Variants in TTC39B observed in about 807,000 individuals in gnomAD.
The protein encoded by TTC39B is tetratricopeptide repeat domain 39B.
In TTC39B, 92 loss-of-function variants were observed where a neutral mutation model predicts 96.6. The observed-to-expected ratio is 0.95, with a 90% confidence interval of 0.80 to 1.13. TTC39B has a LOEUF of 1.13. TTC39B is among the 50% of genes most tolerant of loss of function. The probability of loss-of-function intolerance (pLI) is 0.00; values close to 1 mark genes in which losing one functional copy is unlikely to be tolerated. For synonymous variants in TTC39B, 367 were observed against 299.4 expected (o/e 1.23, Z -2.33); for missense variants, 955 against 809.3 (o/e 1.18, Z -2.18).
intron 1 of TTC39B, among the ~76,000 whole-genome samples, chr9:15,287,097 A>G (rs1259716902): frequency 6.6e-6 from 1 of 152,176 alleles, no homozygotes; most frequent in East Asian, 1.9e-4. Context: ...AAATGAGGAT[A>G]TTGGGGGTCT....
At chr9:15,185,067 C>T (rs755752176) in intron 16 of TTC39B, among the ~76,000 whole-genome samples, 6 of 152,124 alleles carry the variant, frequency 3.9e-5, no homozygotes, top group Non-Finnish European at 8.8e-5. Context: ...TTTTAGTAGC[C>T]TTTATCGTAA....
chr9:15,190,771 A>G lies in TTC39B; in HGVS notation c.997-109T>C, dbSNP rs1317074143. 2.7e-5 allele frequency: 24 copies of G among 879,228 alleles called. No homozygotes were observed. In the Admixed American group the frequency reaches 3.9e-4, roughly 14 times the overall value. 54.5% of individuals were successfully genotyped at this position (879,228 alleles called of 1,614,324 possible). A position where few individuals can be genotyped will look rare whatever the true frequency, so the allele number is the denominator to read the frequency against. On this transcript the variant is annotated intron_variant, in intron 10 of 19. Transcript: ENST00000512701. Reference sequence around the variant, plus strand: ...GGGGGGTTACAAGTACAGATTTCATATATTACGCTGTGGTGAAGTCTGGGC... The same window carrying G: ...GGGGGGTTACAAGTACAGATTTCATGTATTACGCTGTGGTGAAGTCTGGGC...
At chr9:15,282,621 C>T (rs1189952730) in intron 1 of TTC39B, among the ~76,000 whole-genome samples, 1 of 152,140 alleles carries the variant, frequency 6.6e-6, no homozygotes, top group African/African-American at 2.4e-5. Flanking sequence ...TAATGGCTAA[C>T]ACACCCTCTA....
intron 17 of TTC39B, among the ~76,000 whole-genome samples, chr9:15,179,745 T>C (rs769406819): frequency 3.9e-5 from 6 of 152,212 alleles, no homozygotes; most frequent in Admixed American, 2.0e-4. Context: ...GTTTGTATTA[T>C]GACAACATTC....
chr9:15,213,614 A>G (rs1354015320), intron 4 of TTC39B, among the ~76,000 whole-genome samples: 1 of 152,252 alleles, frequency 6.6e-6, no homozygotes, highest in Non-Finnish European at 1.5e-5. Context: ...ATTCTTGTCA[A>G]GACAAAGGCC....
At chr9:15,227,653 G>A (rs1019027809) in intron 2 of TTC39B, among the ~76,000 whole-genome samples, 2 of 152,084 alleles carry the variant, frequency 1.3e-5, no homozygotes, top group African/African-American at 4.8e-5. Flanking sequence ...CATCAGCTCC[G>A]TTTACAAGCA....
intron 4 of TTC39B, among the ~76,000 whole-genome samples, chr9:15,212,699 T>C (rs1194377198): frequency 6.6e-6 from 1 of 152,226 alleles, no homozygotes; most frequent in Non-Finnish European, 1.5e-5. Context: ...AGTGCTGGGA[T>C]TACAGGCGTG....
At chr9:15,289,545 C>A (rs964291130) in intron 1 of TTC39B, among the ~76,000 whole-genome samples, 1 of 152,210 alleles carries the variant, frequency 6.6e-6, no homozygotes, top group South Asian at 2.1e-4. Context: ...AGGCACAATG[C>A]CGGCAAATGG....
chr9:15,190,149 G>A (rs907436529), intron 11 of TTC39B, among the ~76,000 whole-genome samples: 11 of 152,050 alleles, frequency 7.2e-5, no homozygotes, highest in Admixed American at 7.2e-4. Flanking sequence ...AATTTTAGCT[G>A]AGAACAGATG....
chr9:15,183,107 G>A (rs1364022859), intron 16 of TTC39B, among the ~76,000 whole-genome samples: 2 of 152,104 alleles, frequency 1.3e-5, no homozygotes. Context: ...TATGAAGTAA[G>A]CAGGGTAATT....
chr9:15,198,205 T>A (rs1819290391), intron 8 of TTC39B, among the ~76,000 whole-genome samples: 1 of 152,114 alleles, frequency 6.6e-6, no homozygotes, highest in South Asian at 2.1e-4. Context: ...ATGCCTGTAA[T>A]CCCAGCGCTT....
At chr9:15,298,582 C>T (rs538875531) in intron 1 of TTC39B, among the ~76,000 whole-genome samples, 15 of 152,244 alleles carry the variant, frequency 9.9e-5, no homozygotes, top group Middle Eastern at 3.4e-3. Context: ...TTCACTGTCA[C>T]AAGAAGAGCA....
At position 15,256,236 on chromosome 9, in the gene TTC39B, G is replaced by A. The variant is rs528697896; in HGVS notation, c.275+11678C>T. Among the ~76,000 whole-genome samples, 5 of 151,542 alleles carry A rather than the reference G, an allele frequency of 3.3e-5. No homozygotes were observed. In the South Asian group the frequency reaches 8.4e-4, roughly 25 times the overall value. ...TATTTTCTGCTTCCTTCTACCACGT[G>A]AGGACACAAAGAAGGCACCATCTAT... On this transcript the variant is annotated intron_variant, in intron 2 of 19. Coordinates refer to ENST00000512701, the Ensembl canonical transcript of TTC39B.
exon 20 of TTC39B, chr9:15,164,027 T>A (rs1817476333): frequency 6.6e-6 from 1 of 152,214 alleles, no homozygotes; most frequent in Non-Finnish European, 1.5e-5. Context: ...ACAGTTTTCT[T>A]CTTTTTTCTT....
chr9:15,231,487 T>C (rs1032623593), intron 2 of TTC39B, among the ~76,000 whole-genome samples: 2 of 152,250 alleles, frequency 1.3e-5, no homozygotes, highest in East Asian at 3.8e-4. Flanking sequence ...TAATGGCCAA[T>C]TGTATGTCTT....
chr9:15,189,770 C>T (rs376726304), exon 12 of TTC39B: 36 of 1,612,642 alleles, frequency 2.2e-5, no homozygotes, highest in African/African-American at 1.9e-4. Context: ...GCTCTGCTTC[C>T]GCAACATTCA....
intron 1 of TTC39B, among the ~76,000 whole-genome samples, chr9:15,285,732 G>A (rs139906216): frequency 0.013 from 1,977 of 152,140 alleles, 25 homozygotes; most frequent in Non-Finnish European, 0.018. Flanking sequence ...GCGGGCGCCT[G>A]TAGTCCCAGC....
At chr9:15,209,257 A>C (rs491297) in intron 6 of TTC39B, among the ~76,000 whole-genome samples, 6,612 of 152,190 alleles carry the variant, frequency 0.043, 489 homozygotes, top group African/African-American at 0.15. Context: ...ACTGATCATG[A>C]ACCTTCTGCC....
At chr9:15,208,607 G>C (rs117118719) in intron 6 of TTC39B, among the ~76,000 whole-genome samples, 1,848 of 152,268 alleles carry the variant, frequency 0.012, 27 homozygotes, top group Non-Finnish European at 0.014. Flanking sequence ...AAAATATGCA[G>C]ACACATTCTA....
Sources: gnomAD v4.1 joint callset for allele counts (sites outside exome capture counted in the v4.1 genomes callset) on GRCh38, gnomAD v4.1.1 for gene constraint, MANE v1.5 for transcripts, NCBI Gene and HGNC (gene_info 2026-07-23, HGNC 2026-07-21) for gene names.